ZNF385B: variants seen among roughly 807,000 people sequenced by gnomAD.
The protein encoded by ZNF385B is zinc finger protein 385B.
ZNF385B carries 23 observed loss-of-function variants against 39.2 expected under a neutral mutation model. The observed-to-expected ratio is 0.59, with a 90% CI of 0.42 to 0.83. ZNF385B has a LOEUF of 0.83. Among genes scored for constraint, ZNF385B ranks in the 40% least tolerant of loss-of-function variants. ZNF385B has a pLI of 0.00. For missense variants in ZNF385B, 552 were observed against 598.9 expected (o/e 0.92, Z 0.82); for synonymous variants, 205 against 222.6 (o/e 0.92, Z 0.70).
intron 1 of ZNF385B, among the ~76,000 whole-genome samples, chr2:179,775,461 T>C (rs1479777181): frequency 6.6e-6 from 1 of 152,230 alleles, no homozygotes; most frequent in Non-Finnish European, 1.5e-5. Context: ...AATGAAATTA[T>C]TCCTTAGCAA....
chr2:179,827,202 G>A (rs1358022118), intron 1 of ZNF385B, among the ~76,000 whole-genome samples: 1 of 152,174 alleles, frequency 6.6e-6, no homozygotes, highest in Non-Finnish European at 1.5e-5. Context: ...GCAAAGACTA[G>A]TTCGTGTGGA....
chr2:179,814,485 T>C, intron 1 of ZNF385B: 1 of 572,964 alleles, frequency 1.7e-6, no homozygotes. Context: ...ATATGATCCA[T>C]GCACTATCAT....
chr2:179,493,756 C>CATATATGTATATGT (rs1559337883), intron 5 of ZNF385B, among the ~76,000 whole-genome samples: 8 of 81,070 alleles, frequency 9.9e-5, no homozygotes, highest in African/African-American at 4.3e-4. Context: ...TGTGTATATA[C>CATATATGTATATGT]ATATATGTAT....
At chr2:179,478,986 A>G (rs910787503) in intron 6 of ZNF385B, among the ~76,000 whole-genome samples, 2 of 152,204 alleles carry the variant, frequency 1.3e-5, no homozygotes, top group African/African-American at 4.8e-5. Context: ...ATCTTCCTGA[A>G]GCTGCCTAAT....
At chr2:179,850,024 C>G (rs1013637890) in intron 1 of ZNF385B, among the ~76,000 whole-genome samples, 67 of 152,256 alleles carry the variant, frequency 4.4e-4, no homozygotes, top group African/African-American at 1.6e-3. Context: ...AGGGAACACA[C>G]TGGGATCTGT....
intron 5 of ZNF385B, among the ~76,000 whole-genome samples, chr2:179,508,653 A>G (rs6747231): frequency 0.82 from 124,908 of 152,216 alleles, 51,556 homozygotes; most frequent in East Asian, 0.92. Flanking sequence ...AAAACTTGCA[A>G]TTTCGATGGT....
chr2:179,774,112 T>C (rs906785342), intron 1 of ZNF385B, among the ~76,000 whole-genome samples: 1 of 151,052 alleles, frequency 6.6e-6, no homozygotes, highest in African/African-American at 2.4e-5. Context: ...GTGTGTGTGA[T>C]ATGTGTGTGG....
intron 3 of ZNF385B, among the ~76,000 whole-genome samples, chr2:179,627,434 C>T (rs1169590992): frequency 6.6e-6 from 1 of 152,164 alleles, no homozygotes; most frequent in African/African-American, 2.4e-5. Context: ...GAATTATCCT[C>T]ATTTTAAGAG....
At chr2:179,542,429 T>G (rs1380113701) in intron 4 of ZNF385B, among the ~76,000 whole-genome samples, 1 of 152,188 alleles carries the variant, frequency 6.6e-6, no homozygotes, top group East Asian at 1.9e-4. Flanking sequence ...GTATTTTTAT[T>G]TGAAAATTAT....
chr2:179,569,896 T>C (rs185523895), intron 3 of ZNF385B, among the ~76,000 whole-genome samples: 62 of 152,342 alleles, frequency 4.1e-4, no homozygotes, highest in African/African-American at 1.3e-3. Flanking sequence ...TTATGAAATG[T>C]GAATGAGTCA....
intron 1 of ZNF385B, among the ~76,000 whole-genome samples, chr2:179,773,990 T>A (rs1575465841): frequency 6.6e-6 from 1 of 151,542 alleles, no homozygotes; most frequent in African/African-American, 2.4e-5. Flanking sequence ...GGATGGGAGG[T>A]GAGTGTGATG....
chr2:179,831,505 AG>A (rs1162424655), intron 1 of ZNF385B, among the ~76,000 whole-genome samples: 4 of 152,052 alleles, frequency 2.6e-5, no homozygotes, highest in Non-Finnish European at 5.9e-5. Flanking sequence ...AAAAAAAAAA[AG>A]GTAAAAATCG....
intron 4 of ZNF385B, among the ~76,000 whole-genome samples, chr2:179,525,225 T>G (rs2058815000): frequency 6.6e-6 from 1 of 152,174 alleles, no homozygotes; most frequent in South Asian, 2.1e-4. Flanking sequence ...TGGATAAGAC[T>G]TCCTGGAACT....
At chr2:179,772,402 G>A (rs1197336620) in intron 1 of ZNF385B, among the ~76,000 whole-genome samples, 1 of 152,112 alleles carries the variant, frequency 6.6e-6, no homozygotes, top group Non-Finnish European at 1.5e-5. Flanking sequence ...TGGGGGTGGG[G>A]TATGCATTCT....
Position 179,663,676 on chromosome 2 carries a change from T to C in ZNF385B, c.298+105827A>G, listed in dbSNP as rs555886497. On this transcript the variant is annotated intron_variant, in intron 3 of 9. Transcript: ENST00000410066. Reference sequence around the variant, plus strand: ...AGTGAGCCGAGATCGCGCCGCTGCATTCCATCCAGCCTGGGCGACAGAGCG... The same window carrying C: ...AGTGAGCCGAGATCGCGCCGCTGCACTCCATCCAGCCTGGGCGACAGAGCG... 2.2e-3 allele frequency among the ~76,000 whole-genome samples: 300 copies of C among 133,868 alleles called. 1 individual carries two copies. Among genetic ancestry groups the C allele is most frequent in the Middle Eastern group, 5.2e-3 (1 of 192 alleles). 87.8% of individuals were successfully genotyped at this position (133,868 alleles called of 152,430 possible). A position where few individuals can be genotyped will look rare whatever the true frequency, so the allele number is the denominator to read the frequency against.
chr2:179,797,907 CATTT>C (rs1292119297), intron 1 of ZNF385B, among the ~76,000 whole-genome samples: 3 of 152,092 alleles, frequency 2.0e-5, no homozygotes, highest in Admixed American at 1.3e-4. Flanking sequence ...ACCATTCATT[CATTT>C]ATGAGCTAAT....
intron 3 of ZNF385B, among the ~76,000 whole-genome samples, chr2:179,741,338 C>T (rs762250552): frequency 2.0e-5 from 3 of 151,982 alleles, no homozygotes; most frequent in Admixed American, 6.6e-5. Context: ...AAATTATACA[C>T]TGATGTCTAG....
intron 5 of ZNF385B, among the ~76,000 whole-genome samples, chr2:179,496,375 G>A (rs1014941185): frequency 6.6e-6 from 1 of 152,138 alleles, no homozygotes; most frequent in African/African-American, 2.4e-5. Flanking sequence ...AAATCTAAGA[G>A]TTATTGGCCT....
intron 5 of ZNF385B, among the ~76,000 whole-genome samples, chr2:179,509,871 G>A (rs1400820): frequency 0.4 from 60,819 of 151,980 alleles, 13,146 homozygotes; most frequent in East Asian, 0.54. Context: ...CACTACTGTG[G>A]TTATCTCTTT....
Sources: allele counts gnomAD v4.1 joint callset (sites outside exome capture counted in the v4.1 genomes callset), GRCh38; gene constraint gnomAD v4.1.1; transcripts MANE v1.5; gene names NCBI Gene and HGNC (gene_info 2026-07-23, HGNC 2026-07-21).